Variants in ST3GAL3 observed in about 807,000 individuals in gnomAD.
The protein encoded by ST3GAL3 is ST3 beta-galactoside alpha-2,3-sialyltransferase 3.
In ST3GAL3, 21 loss-of-function variants were observed where a neutral mutation model predicts 50.1. That is an observed-to-expected ratio of 0.42 (90% CI 0.30 to 0.60). The LOEUF is 0.60. ST3GAL3 is among the 20% of genes least tolerant of loss of function. The pLI is 0.19. For synonymous variants in ST3GAL3, 183 were observed against 190.0 expected (o/e 0.96, Z 0.30); for missense variants, 353 against 489.4 (o/e 0.72, Z 2.63).
At chr1:43,806,230 A>G (rs1014485336) in intron 3 of ST3GAL3, among the ~76,000 whole-genome samples, 1 of 152,200 alleles carries the variant, frequency 6.6e-6, no homozygotes, top group African/African-American at 2.4e-5. Context: ...CTATAAAAAC[A>G]TCTGTGAAAT....
intron 5 of ST3GAL3, among the ~76,000 whole-genome samples, chr1:43,871,356 T>G (rs2072664818): frequency 6.6e-6 from 1 of 152,060 alleles, no homozygotes; most frequent in South Asian, 2.1e-4. Context: ...TACATGAACC[T>G]TTGAGACTGA....
intron 4 of ST3GAL3, among the ~76,000 whole-genome samples, chr1:43,828,888 A>G (rs576921397): frequency 1.3e-5 from 2 of 152,350 alleles, no homozygotes; most frequent in South Asian, 2.1e-4. Flanking sequence ...TGAACATAAT[A>G]TGTTCTAGCA....
chr1:43,896,173 C>T (rs2077365101), intron 6 of ST3GAL3, among the ~76,000 whole-genome samples: 1 of 152,194 alleles, frequency 6.6e-6, no homozygotes, highest in African/African-American at 2.4e-5. Context: ...TCTTTCTCAC[C>T]ATTTACTCCT....
At chr1:43,820,481 C>T (rs1373195338) in intron 4 of ST3GAL3, among the ~76,000 whole-genome samples, 1 of 152,022 alleles carries the variant, frequency 6.6e-6, no homozygotes, top group East Asian at 1.9e-4. Flanking sequence ...AGAGCTTTTG[C>T]ACAGCAAAAG....
chr1:43,928,647 G>A (rs1571694450), intron 11 of ST3GAL3, among the ~76,000 whole-genome samples: 2 of 148,842 alleles, frequency 1.3e-5, no homozygotes, highest in African/African-American at 5.0e-5. Flanking sequence ...GGTGGCTCAT[G>A]CCTGTAATCC....
At chr1:43,730,494 T>C (rs1327961738) in intron 1 of ST3GAL3, among the ~76,000 whole-genome samples, 1 of 152,190 alleles carries the variant, frequency 6.6e-6, no homozygotes, top group African/African-American at 2.4e-5. Flanking sequence ...GGACAAGATA[T>C]ATAGTTCCTT....
intron 2 of ST3GAL3, among the ~76,000 whole-genome samples, chr1:43,770,368 C>T (rs936889458): frequency 1.3e-5 from 2 of 151,876 alleles, no homozygotes; most frequent in African/African-American, 4.8e-5. Flanking sequence ...CAAACACAAA[C>T]AGAACAGATT....
intron 9 of ST3GAL3, among the ~76,000 whole-genome samples, chr1:43,910,834 G>A (rs2080683453): frequency 6.6e-6 from 1 of 152,250 alleles, no homozygotes; most frequent in Non-Finnish European, 1.5e-5. Context: ...TGACCTGAGA[G>A]AGGCATCTGC....
At chr1:43,743,882 G>A (rs1682285890) in intron 2 of ST3GAL3, 1 of 153,736 alleles carries the variant, frequency 6.5e-6, no homozygotes. Flanking sequence ...TAGAGTAAGT[G>A]GTGTGTGTAC....
At chr1:43,928,303 G>A (rs972453516) in intron 11 of ST3GAL3, among the ~76,000 whole-genome samples, 4 of 152,142 alleles carry the variant, frequency 2.6e-5, no homozygotes, top group African/African-American at 7.2e-5. Context: ...CTAAATAGTG[G>A]CTGTTAACAG....
At chr1:43,927,861 C>T (rs4031031) in intron 11 of ST3GAL3, among the ~76,000 whole-genome samples, 97,671 of 151,948 alleles carry the variant, frequency 0.64, 33,207 homozygotes, top group Non-Finnish European at 0.77. Context: ...GTAAGGAAGA[C>T]GCTTCCCGCC....
intron 9 of ST3GAL3, among the ~76,000 whole-genome samples, chr1:43,904,538 C>T (rs1344487091): frequency 3.3e-5 from 5 of 151,996 alleles, no homozygotes; most frequent in Admixed American, 3.3e-4. Flanking sequence ...TGCCTGTTGC[C>T]ATATCTTAAC....
chr1:43,929,857 G>C (rs1482615431), intron 11 of ST3GAL3, among the ~76,000 whole-genome samples: 1 of 152,208 alleles, frequency 6.6e-6, no homozygotes, highest in Non-Finnish European at 1.5e-5. Flanking sequence ...CCAGCACTGA[G>C]GAGGGAGGTT....
chr1:43,871,624 G>A (rs1214246280), intron 5 of ST3GAL3, among the ~76,000 whole-genome samples: 2 of 112,688 alleles, frequency 1.8e-5, no homozygotes, highest in Non-Finnish European at 3.7e-5. Context: ...TGGGATGTGA[G>A]GGAGAAGATG....
At chr1:43,807,417 A>AAAATAAATAAAT (rs59894927) in intron 3 of ST3GAL3, among the ~76,000 whole-genome samples, 53,212 of 142,364 alleles carry the variant, frequency 0.37, 10,630 homozygotes, top group African/African-American at 0.47. Context: ...CTCTGTCTCA[A>AAAATAAATAAAT]AAATAAATAA....
chr1:43,759,063 GCGCACACACACA>G lies in ST3GAL3; in HGVS notation c.118+22685_118+22696del, dbSNP rs1369762322. Among the ~76,000 whole-genome samples the G allele has an allele frequency of 9.6e-3, 1,277 of 132,378 alleles. 17 individuals carry two copies. Among genetic ancestry groups the G allele is most frequent in the Non-Finnish European group, 0.014 (901 of 64,208 alleles). The allele number at this position is 132,378 out of a possible 152,430, so 86.8% of individuals were successfully genotyped here. On this transcript the variant is annotated intron_variant, in intron 2 of 11. Transcript: ENST00000347631. ...TCTCCTAAAAAACAAACAAAAGCGC[GCGCACACACACA>G]CACACACACACACACACACACACAC...
intron 5 of ST3GAL3, among the ~76,000 whole-genome samples, chr1:43,869,445 C>T (rs1028391297): frequency 1.5e-4 from 23 of 152,126 alleles, no homozygotes; most frequent in African/African-American, 3.4e-4. Flanking sequence ...TTCCATCTTA[C>T]GACTTTTCCC....
At chr1:43,725,453 C>T (rs924705335) in intron 1 of ST3GAL3, among the ~76,000 whole-genome samples, 14 of 152,202 alleles carry the variant, frequency 9.2e-5, no homozygotes, top group African/African-American at 3.1e-4. Context: ...CCCACCTCGG[C>T]GTCTCAAAGT....
At position 43,760,593 on chromosome 1, in the gene ST3GAL3, A is replaced by G. The variant is rs554607299; in HGVS notation, c.118+24213A>G. 2.0e-5 allele frequency among the ~76,000 whole-genome samples: 3 copies of G among 152,218 alleles called. No individual in the cohort carries two copies. In the East Asian group the frequency reaches 5.8e-4, roughly 29 times the overall value. ...ACACGGTGAAACCCCGTCTCTACTA[A>G]AAAATACAAAAAATTAGCCGGGCGT... is the stretch of plus-strand genomic sequence containing the variant. On this transcript the variant is annotated intron_variant, in intron 2 of 11. Coordinates refer to ENST00000347631, the MANE Select transcript of ST3GAL3 (RefSeq NM_006279.5).
Sources: gnomAD v4.1 joint callset for allele counts (sites outside exome capture counted in the v4.1 genomes callset) on GRCh38, gnomAD v4.1.1 for gene constraint, MANE v1.5 for transcripts, NCBI Gene and HGNC (gene_info 2026-07-23, HGNC 2026-07-21) for gene names.